The following ETFDH variants were observed in gnomAD, a reference collection of about 807,000 sequenced individuals.
The protein encoded by ETFDH is electron transfer flavoprotein dehydrogenase, also known as electron transfer flavoprotein-ubiquinone oxidoreductase, mitochondrial.
ETFDH carries 61 observed loss-of-function variants against 73.2 expected under a neutral mutation model. The observed-to-expected ratio is 0.83, with a 90% CI of 0.68 to 1.03. The LOEUF (loss-of-function observed/expected upper bound fraction) is 1.03. Among genes scored for constraint, ETFDH ranks in the 50% least tolerant of loss-of-function variants. The pLI is 0.00. For synonymous variants in ETFDH, 243 were observed against 253.3 expected (o/e 0.96, Z 0.39); for missense variants, 685 against 745.0 (o/e 0.92, Z 0.94).
At chr4:158,673,353 A>G (rs931084509) in intron 1 of ETFDH, among the ~76,000 whole-genome samples, 1 of 152,226 alleles carries the variant, frequency 6.6e-6, no homozygotes, top group Non-Finnish European at 1.5e-5. Context: ...TGTTATGGGT[A>G]TTCTGTGAAC....
In ETFDH at chr4:158,706,174, T is replaced by C. The variant is rs1248795834; in HGVS notation, c.1286-15T>C. ...GGGCAGTTTCGCACTTAACATTTCA[T>C]GTTTTTAATAAAAGGACTCCATGTA... On this transcript the variant is annotated splice_polypyrimidine_tract_variant and intron_variant, in intron 10 of 12. Transcript: ENST00000511912. 2 of 1,579,420 alleles carry C rather than the reference T, an allele frequency of 1.3e-6. No homozygotes were observed. The highest frequency in any genetic ancestry group is 2.2e-5 in the South Asian group (2 of 90,334).
intron 5 of ETFDH, among the ~76,000 whole-genome samples, chr4:158,690,144 C>T (rs1774125101): frequency 6.6e-6 from 1 of 152,086 alleles, no homozygotes; most frequent in African/African-American, 2.4e-5. Context: ...GTTTTCATTT[C>T]CCATTGTGCG....
intron 1 of ETFDH, 22 bp downstream of exon 1, chr4:158,672,512 G>A: frequency 6.2e-7 from 1 of 1,613,816 alleles, no homozygotes; most frequent in Non-Finnish European, 8.5e-7. Flanking sequence ...CGGGCGGTGG[G>A]GATAAGTGGA....
chr4:158,677,784 G>C (rs369142019), intron 1 of ETFDH, among the ~76,000 whole-genome samples: 4 of 152,160 alleles, frequency 2.6e-5, no homozygotes, highest in African/African-American at 9.7e-5. Flanking sequence ...AATGAGGCAT[G>C]TCTGACCCTC....
Position 158,703,505 on chromosome 4 carries a change from C to T in ETFDH, c.1199C>T (p.Thr400Ile), listed in dbSNP as rs778229438. The T allele has an allele frequency of 1.9e-6, 3 of 1,606,358 alleles. No homozygotes were observed. Among genetic ancestry groups the T allele is most frequent in the South Asian group, 1.1e-5 (1 of 90,932 alleles). The change falls in exon 10 of 13, where the codon ACT becomes ATT. Residue 400 changes from threonine (T) to isoleucine (I), a missense_variant. Physicochemically the swap from Thr to Ile is moderately conservative, Grantham distance 89. Coordinates refer to ENST00000511912, the MANE Select transcript of ETFDH (RefSeq NM_004453.4). ...ATGAATGTTCCCAAGATCAAAGGTA[C>T]TCACACAGCAATGAAAAGTGGAATT... The part of the protein sequence containing the change: ...GFMNVPKIKG[T>I]HTAMKSGILA...
rs1053865022 is a variant in ETFDH, at chr4:158,680,516, A to G, written c.84A>G (p.Leu28=). 9.4e-6 allele frequency: 15 copies of G among 1,601,230 alleles called. No individual in the cohort carries two copies. The highest frequency in any genetic ancestry group is 1.3e-5 in the African/African-American group (1 of 74,788). ...AAATTAAGAAAAATTATCTACCTCT[A>G]TGTGCTACAAGATGGTCTTCAACTT... The part of the protein sequence containing the change: ...ALKIKKNYLP[L]CATRWSSTST... Residue 28 remains leucine (L), a synonymous_variant, in exon 2 of 13, where the codon CTA becomes CTG. Transcript: ENST00000511912.
chr4:158,692,236 A>G (rs1449327915), intron 6 of ETFDH, among the ~76,000 whole-genome samples: 1 of 151,784 alleles, frequency 6.6e-6, no homozygotes, highest in Non-Finnish European at 1.5e-5. Flanking sequence ...TACTGAAAAA[A>G]AAAATACAAA....
At chr4:158,705,096 T>C (rs1274422174) in intron 10 of ETFDH, among the ~76,000 whole-genome samples, 3 of 152,158 alleles carry the variant, frequency 2.0e-5, no homozygotes, top group African/African-American at 4.8e-5. Context: ...CAGGAAACAA[T>C]GACTGGAAAA....
At position 158,690,797 on chromosome 4, in the gene ETFDH, A is replaced by G. The variant is rs114950474; in HGVS notation, c.684+372A>G. Among the ~76,000 whole-genome samples, 1,458 of 152,320 alleles carry G rather than the reference A, an allele frequency of 9.6e-3. 22 individuals are homozygous for G. The highest frequency in any genetic ancestry group is 0.032 in the African/African-American group (1,344 of 41,576). The stretch of plus-strand genomic sequence containing the variant: ...GGCAGATAGATCACTTGAACCCAGG[A>G]GTTTGAGAACTTCCTGAGCAACATG... On this transcript the variant is annotated intron_variant, in intron 6 of 12. Coordinates refer to ENST00000511912, the MANE Select transcript of ETFDH (RefSeq NM_004453.4).
chr4:158,698,341 C>T (rs556426455), intron 8 of ETFDH, among the ~76,000 whole-genome samples: 22 of 152,224 alleles, frequency 1.4e-4, no homozygotes, highest in African/African-American at 4.8e-4. Flanking sequence ...TTTTTGACCC[C>T]CCAGTCCAAT....
At chr4:158,689,434 G>A (rs78144153) in intron 5 of ETFDH, among the ~76,000 whole-genome samples, 1,745 of 151,200 alleles carry the variant, frequency 0.012, 25 homozygotes, top group African/African-American at 0.038. Flanking sequence ...ATAGTCACTT[G>A]TATCACTTTT....
intron 12 of ETFDH, 74 bp from the exon 13 acceptor site, chr4:158,708,290 C>T: frequency 1.8e-6 from 2 of 1,140,256 alleles, no homozygotes. Context: ...GCTACTCTTT[C>T]CTTAATTTTT....
intron 2 of ETFDH, 88 bp downstream of exon 2, chr4:158,680,695 T>C (rs2150304469): frequency 8.8e-7 from 1 of 1,131,034 alleles, no homozygotes; most frequent in Non-Finnish European, 1.3e-6. Context: ...TTTTTCATAA[T>C]TTAAAAACAT....
At chr4:158,679,390 T>C (rs1174455835) in intron 1 of ETFDH, 2 of 152,158 alleles carry the variant, frequency 1.3e-5, no homozygotes, top group East Asian at 3.9e-4. Context: ...ACGGGAGAGA[T>C]AAGCCTTCTC....
At chr4:158,694,517 C>T (rs1580410718) in intron 6 of ETFDH, among the ~76,000 whole-genome samples, 1 of 151,852 alleles carries the variant, frequency 6.6e-6, no homozygotes, top group South Asian at 2.1e-4. Flanking sequence ...TAGCTTGAAC[C>T]CTGGAGGCGG....
intron 8 of ETFDH, among the ~76,000 whole-genome samples, chr4:158,698,350 A>G (rs929488593): frequency 2.6e-5 from 4 of 152,194 alleles, no homozygotes; most frequent in Non-Finnish European, 5.9e-5. Context: ...CCCCAGTCCA[A>G]TGTTCATCCC....
intron 5 of ETFDH, among the ~76,000 whole-genome samples, chr4:158,689,660 C>A: frequency 9.4e-6 from 1 of 106,552 alleles, no homozygotes; most frequent in African/African-American, 3.7e-5. Context: ...GGTTCATATC[C>A]ATTGCTGCTA....
intron 12 of ETFDH, 25 bp from the exon 13 acceptor site, chr4:158,708,339 A>G: frequency 6.3e-7 from 1 of 1,582,332 alleles, no homozygotes; most frequent in Non-Finnish European, 8.7e-7. Flanking sequence ...TAGGCACTTC[A>G]ATATTATTTA....
intron 1 of ETFDH, among the ~76,000 whole-genome samples, chr4:158,677,179 G>A (rs1375790507): frequency 6.6e-6 from 1 of 152,194 alleles, no homozygotes; most frequent in Non-Finnish European, 1.5e-5. Context: ...TATTTGAAGA[G>A]ATTAATTCTG....
Sources: gnomAD v4.1 joint callset for allele counts (sites outside exome capture counted in the v4.1 genomes callset) on GRCh38, gnomAD v4.1.1 for gene constraint, MANE v1.5 for transcripts, NCBI Gene and HGNC (gene_info 2026-07-23, HGNC 2026-07-21) for gene names.